Variants in CDKAL1 observed in about 807,000 individuals in gnomAD.
CDKAL1 encodes the protein threonylcarbamoyladenosine tRNA methylthiotransferase.
A neutral mutation model predicts 68.2 loss-of-function variants in CDKAL1; 32 were observed. The ratio of observed to expected loss-of-function variants is 0.47; its 90% CI spans 0.35 to 0.63. The LOEUF is 0.63. Among genes scored for constraint, CDKAL1 ranks in the 30% least tolerant of loss-of-function variants. The pLI is 0.00. For missense variants in CDKAL1, 606 were observed against 696.7 expected, an observed-to-expected ratio of 0.87 and a Z score of 1.47; for synonymous variants, 234 against 244.3, an observed-to-expected ratio of 0.96 and a Z score of 0.39.
chr6:20,724,998 G>A (rs1772576117), intron 5 of CDKAL1, among the ~76,000 whole-genome samples: 1 of 152,114 alleles, frequency 6.6e-6, no homozygotes, highest in African/African-American at 2.4e-5. Flanking sequence ...GATAATTAGG[G>A]TAAAGTGCAA....
chr6:21,108,475 A>G lies in CDKAL1; in HGVS notation c.1299+12A>G, dbSNP rs950521938. ...CATATGATCACAAGGTAAGAGAAGC[A>G]TGTTAATAGCATATTAAGTATTAAA... On this transcript the variant is annotated intron_variant, in intron 13 of 15. Transcript: ENST00000274695. The G allele has an allele frequency of 3.9e-6, 6 of 1,542,830 alleles. No homozygotes were observed. The highest frequency in any genetic ancestry group is 5.3e-6 in the Non-Finnish European group (6 of 1,125,250).
chr6:20,618,002 C>T (rs1767000324), intron 4 of CDKAL1, among the ~76,000 whole-genome samples: 1 of 152,164 alleles, frequency 6.6e-6, no homozygotes, highest in African/African-American at 2.4e-5. Context: ...CACTGTCTTC[C>T]ACAATGGTTG....
At chr6:20,676,664 C>CT (rs570176172) in intron 5 of CDKAL1, among the ~76,000 whole-genome samples, 16 of 97,340 alleles carry the variant, frequency 1.6e-4, no homozygotes, top group South Asian at 1.6e-3. Flanking sequence ...GAGACTCTGT[C>CT]TTAAATAAAT....
intron 5 of CDKAL1, among the ~76,000 whole-genome samples, chr6:20,650,722 A>T (rs1768722547): frequency 6.6e-6 from 1 of 152,076 alleles, no homozygotes; most frequent in Non-Finnish European, 1.5e-5. Context: ...TCTTGAGTTA[A>T]TTTTTGTATA....
chr6:20,846,123 T>A lies in CDKAL1; in HGVS notation c.687T>A (p.Asn229Lys). 1 of 1,613,426 alleles carries A rather than the reference T, an allele frequency of 6.2e-7. No individual in the cohort carries two copies. The highest frequency in any genetic ancestry group is 8.5e-7 in the Non-Finnish European group (1 of 1,179,606). Residue 229 changes from asparagine (N) to lysine (K), a missense_variant, in exon 9 of 16, where the codon AAT (asparagine) becomes AAA (lysine). Transcript: ENST00000274695. ...TYCKTKHARG[N>K]LASYPIDELV... Reference sequence around the variant, plus strand: ...GCAAAACTAAACACGCCAGAGGAAATTTGGCCAGTTATCCAATTGATGAAC... The same window carrying A: ...GCAAAACTAAACACGCCAGAGGAAAATTGGCCAGTTATCCAATTGATGAAC...
chr6:20,891,780 G>A (rs1244912064), intron 9 of CDKAL1, among the ~76,000 whole-genome samples: 1 of 152,028 alleles, frequency 6.6e-6, no homozygotes, highest in African/African-American at 2.4e-5. Flanking sequence ...TGATCCACCC[G>A]CCTTGGCCTC....
rs575646556 is a variant in CDKAL1, at chr6:21,181,838, C to A, written c.1300-16183C>A. Among the ~76,000 whole-genome samples the A allele has an allele frequency of 9.9e-5, 15 of 152,250 alleles. No homozygotes were observed. In the South Asian group the frequency reaches 1.7e-3, roughly 17 times the overall value. On this transcript the variant is annotated intron_variant, in intron 13 of 15. Coordinates refer to ENST00000274695, the MANE Select transcript of CDKAL1 (RefSeq NM_017774.3). Reference sequence around the variant, plus strand: ...AAGTGAATGGTAATAATGAAAATTTCTCTTTCATTTGCCATTTCTTTCTGC... The same window carrying A: ...AAGTGAATGGTAATAATGAAAATTTATCTTTCATTTGCCATTTCTTTCTGC...
chr6:20,589,490 A>G (rs1765505753), intron 4 of CDKAL1, among the ~76,000 whole-genome samples: 1 of 152,174 alleles, frequency 6.6e-6, no homozygotes, highest in South Asian at 2.1e-4. Flanking sequence ...CTGTTTCTTT[A>G]ACTCTATAGT....
chr6:20,713,852 C>T (rs984119711), intron 5 of CDKAL1, among the ~76,000 whole-genome samples: 2 of 152,050 alleles, frequency 1.3e-5, no homozygotes, highest in African/African-American at 4.8e-5. Context: ...ATTAGAGCCA[C>T]CTACCTGTTT....
chr6:20,892,552 T>A (rs1040777346), intron 9 of CDKAL1, among the ~76,000 whole-genome samples: 1 of 152,142 alleles, frequency 6.6e-6, no homozygotes. Context: ...AATAAAAGCA[T>A]GAGGATGAAT....
At position 20,625,510 on chromosome 6, in the gene CDKAL1, G is replaced by A. The variant is rs114595900; in HGVS notation, c.287-23783G>A. Among the ~76,000 whole-genome samples the A allele has an allele frequency of 2.8e-3, 426 of 152,180 alleles. 3 individuals are homozygous for A. The highest frequency in any genetic ancestry group is 9.9e-3 in the African/African-American group (411 of 41,556). ...AGTTCTGAATATCTCTTTAACTTAT[G>A]ACAAATCCCTGAAAATCAGTGCTTT... On this transcript the variant is annotated intron_variant, in intron 4 of 15. Transcript: ENST00000274695.
chr6:20,805,297 C>T (rs954747393), intron 8 of CDKAL1, among the ~76,000 whole-genome samples: 1 of 152,070 alleles, frequency 6.6e-6, no homozygotes, highest in African/African-American at 2.4e-5. Context: ...AATGAGTCAC[C>T]GAATATGTGT....
At chr6:20,768,984 C>T (rs1774818089) in intron 7 of CDKAL1, among the ~76,000 whole-genome samples, 1 of 152,050 alleles carries the variant, frequency 6.6e-6, no homozygotes, top group South Asian at 2.1e-4. Flanking sequence ...GGATTCATTG[C>T]CATGGTAAGC....
chr6:20,760,613 A>G (rs1054873719), intron 7 of CDKAL1, among the ~76,000 whole-genome samples: 8 of 152,234 alleles, frequency 5.3e-5, no homozygotes. Flanking sequence ...AAGCCTGTAC[A>G]TTATACTGTG....
At chr6:20,592,174 T>A (rs1765619162) in intron 4 of CDKAL1, among the ~76,000 whole-genome samples, 1 of 152,178 alleles carries the variant, frequency 6.6e-6, no homozygotes, top group African/African-American at 2.4e-5. Flanking sequence ...TTTCTGTTTG[T>A]CTGTTATTGG....
chr6:21,159,783 G>A (rs1189613898), intron 13 of CDKAL1, among the ~76,000 whole-genome samples: 1 of 151,168 alleles, frequency 6.6e-6, no homozygotes, highest in African/African-American at 2.4e-5. Flanking sequence ...TTCTGAGTCC[G>A]CACCATAGGC....
intron 5 of CDKAL1, among the ~76,000 whole-genome samples, chr6:20,687,079 G>C (rs750957418): frequency 6.6e-6 from 1 of 152,054 alleles, no homozygotes; most frequent in Non-Finnish European, 1.5e-5. Context: ...TTTATACATT[G>C]TTATATTTGA....
At chr6:20,677,294 T>G (rs1465190618) in intron 5 of CDKAL1, among the ~76,000 whole-genome samples, 2 of 152,144 alleles carry the variant, frequency 1.3e-5, no homozygotes, top group Non-Finnish European at 2.9e-5. Context: ...GGTCTTGAAC[T>G]CCCGGCCTCA....
rs79039957 is a variant in CDKAL1, at chr6:21,165,450, T to A, written c.1300-32571T>A. On this transcript the variant is annotated intron_variant, in intron 13 of 15. Coordinates refer to ENST00000274695, the MANE Select transcript of CDKAL1 (RefSeq NM_017774.3). ...TAAAAGGATATAGCAAATATGTTCA[T>A]AGCTTCTTTTTACTTTTGGGAGTTT... Among the ~76,000 whole-genome samples, 186 of 152,354 alleles carry A rather than the reference T, an allele frequency of 1.2e-3. 2 individuals are homozygous for A. The East Asian group carries it at 0.027, about 22-fold the overall frequency.
Sources: allele counts gnomAD v4.1 joint callset (sites outside exome capture counted in the v4.1 genomes callset), GRCh38; gene constraint gnomAD v4.1.1; transcripts MANE v1.5; gene names NCBI Gene and HGNC (gene_info 2026-07-23, HGNC 2026-07-21).